Variants in MYOC observed in about 807,000 individuals in gnomAD.
MYOC encodes juvenile-onset open-angle glaucoma 1.
A neutral mutation model predicts 28.2 loss-of-function variants in MYOC; 29 were observed. That is an observed-to-expected ratio of 1.03 (90% CI 0.77 to 1.40). The LOEUF (loss-of-function observed/expected upper bound fraction) is 1.40, where lower values mean the gene tolerates loss of function less well. MYOC is among the 40% of genes most tolerant of loss of function. The probability of loss-of-function intolerance (pLI) is 0.00; values close to 1 mark genes in which losing one functional copy is unlikely to be tolerated. For missense variants in MYOC, 569 were observed against 620.6 expected (o/e 0.92, Z 0.88); for synonymous variants, 240 against 245.6 (o/e 0.98, Z 0.21).
intron 1 of MYOC, among the ~76,000 whole-genome samples, chr1:171,650,798 C>T (rs1238400724): frequency 6.6e-6 from 1 of 152,146 alleles, no homozygotes; most frequent in Non-Finnish European, 1.5e-5. Context: ...TATTTTGCCA[C>T]AGTTGTTTTA....
intron 1 of MYOC, among the ~76,000 whole-genome samples, chr1:171,647,307 C>T (rs571141186): frequency 4.6e-5 from 7 of 151,980 alleles, no homozygotes; most frequent in African/African-American, 7.2e-5. Context: ...GGGTGGATCA[C>T]GAGGTCGGGA....
chr1:171,647,038 G>A (rs949111978), intron 1 of MYOC, among the ~76,000 whole-genome samples: 1 of 152,168 alleles, frequency 6.6e-6, no homozygotes, highest in Non-Finnish European at 1.5e-5. Context: ...TTACATAAAT[G>A]AAAGGAATGA....
chr1:171,651,866 G>T, intron 1 of MYOC, 142 bp downstream of exon 1: 1 of 1,214,308 alleles, frequency 8.2e-7, no homozygotes, highest in East Asian at 2.3e-5. Context: ...TGATCGCTGT[G>T]CTTTCCTTAA....
At position 171,643,046 on chromosome 1, in the gene MYOC, T is replaced by A. The variant is rs572268334; in HGVS notation, c.605-4324A>T. On this transcript the variant is annotated intron_variant, in intron 1 of 2. Coordinates refer to ENST00000037502, the MANE Select transcript of MYOC (RefSeq NM_000261.2). Reference sequence around the variant, plus strand: ...ATGGCTCCTGGAGAGTCCTGGAAACTTTTATTTCATTCCCTGCGTCTCCTT... The same window carrying A: ...ATGGCTCCTGGAGAGTCCTGGAAACATTTATTTCATTCCCTGCGTCTCCTT... 2.0e-5 allele frequency among the ~76,000 whole-genome samples: 3 copies of A among 152,272 alleles called. No individual in the cohort carries two copies. The South Asian group carries it at 6.2e-4, about 32-fold the overall frequency.
rs772246395 is a variant in MYOC, at chr1:171,636,138, G to A, written c.1302C>T (p.Gly434=). 4.3e-6 allele frequency: 7 copies of A among 1,614,168 alleles called. No individual in the cohort carries two copies. The South Asian group carries it at 7.7e-5, about 18-fold the overall frequency. Residue 434 remains glycine, a synonymous_variant, in exon 3 of 3, where the codon GGC becomes GGT. Coordinates refer to ENST00000037502, the MANE Select transcript of MYOC (RefSeq NM_000261.2). ...TGTAGCTGCTGACGGTGTACAAGGT[G>A]CCACAGATGATGAAGGCATTGGCGA... ...QSVANAFIIC[G]TLYTVSSYTS... is the part of the protein sequence containing the mutation.
intron 1 of MYOC, among the ~76,000 whole-genome samples, chr1:171,642,415 C>T (rs957730586): frequency 2.6e-5 from 4 of 152,108 alleles, no homozygotes; most frequent in African/African-American, 9.6e-5. Context: ...GAGTTTGGGA[C>T]CAGGCTGGGC....
Position 171,636,239 on chromosome 1 carries a change from T to G in MYOC, c.1201A>C (p.Ile401Leu), listed in dbSNP as rs1187084570. 6.2e-7 allele frequency: 1 copy of G among 1,614,164 alleles called. No homozygotes were observed. The highest frequency in any genetic ancestry group is 1.7e-5 in the Admixed American group (1 of 60,020). ...TCTGGGTTCAGTTTGGAGAGGACAA[T>G]GGCACCTTTGGCCTCATCGGTGCTG... ...IYSTDEAKGAIVLSKLNPENL... is the reference protein window; with the variant it reads ...IYSTDEAKGALVLSKLNPENL... Residue 401 changes from isoleucine (I) to leucine (L), a missense_variant, in exon 3 of 3, where the codon ATT (isoleucine) becomes CTT (leucine). By Grantham distance (5) the Ile-to-Leu change is conservative. Coordinates refer to ENST00000037502, the MANE Select transcript of MYOC (RefSeq NM_000261.2).
chr1:171,639,052 C>A (rs1653002668), intron 1 of MYOC, among the ~76,000 whole-genome samples: 1 of 152,210 alleles, frequency 6.6e-6, no homozygotes, highest in Non-Finnish European at 1.5e-5. Flanking sequence ...GCCGAGACTA[C>A]ACTATTGTAC....
chr1:171,646,183 G>A (rs1180791068), intron 1 of MYOC, among the ~76,000 whole-genome samples: 1 of 152,196 alleles, frequency 6.6e-6, no homozygotes, highest in African/African-American at 2.4e-5. Flanking sequence ...AAAGGGGCCT[G>A]GACCTAAGCC....
chr1:171,636,139 C>G lies in MYOC; in HGVS notation c.1301G>C (p.Gly434Ala), dbSNP rs1367941231. The G allele has an allele frequency of 6.2e-7, 1 of 1,614,002 alleles. No individual in the cohort carries two copies. Among genetic ancestry groups the G allele is most frequent in the African/African-American group, 1.3e-5 (1 of 74,880 alleles). ...QSVANAFIIC[G>A]TLYTVSSYTS... ...GTAGCTGCTGACGGTGTACAAGGTG[C>G]CACAGATGATGAAGGCATTGGCGAC... Residue 434 changes from glycine (G) to alanine (A), a missense_variant, in exon 3 of 3, where the codon GGC becomes GCC. By Grantham distance (60) the Gly-to-Ala change is moderately conservative. Transcript: ENST00000037502.
chr1:171,639,502 G>A (rs1043685685), intron 1 of MYOC, among the ~76,000 whole-genome samples: 17 of 151,888 alleles, frequency 1.1e-4, no homozygotes, highest in Non-Finnish European at 7.4e-5. Context: ...AAAATTAGCT[G>A]GGCATGGTGG....
At chr1:171,639,121 G>C (rs1653013195) in intron 1 of MYOC, among the ~76,000 whole-genome samples, 2 of 151,986 alleles carry the variant, frequency 1.3e-5, no homozygotes, top group African/African-American at 2.4e-5. Flanking sequence ...AAATAAATAG[G>C]CTCCCAAAGA....
intron 1 of MYOC, among the ~76,000 whole-genome samples, chr1:171,643,741 G>T (rs1653134164): frequency 6.6e-6 from 1 of 152,116 alleles, no homozygotes; most frequent in Non-Finnish European, 1.5e-5. Flanking sequence ...GGGAGGCTGA[G>T]GTGGGTGGAT....
intron 1 of MYOC, among the ~76,000 whole-genome samples, chr1:171,641,257 G>GA (rs1333700753): frequency 4.6e-5 from 7 of 152,120 alleles, no homozygotes; most frequent in Non-Finnish European, 1.0e-4. Context: ...AGCCCAAGAG[G>GA]AAGGGGGCAC....
rs1366043025 is a variant in MYOC, at chr1:171,636,646, C to T, written c.794G>A (p.Gly265Asp). Residue 265 changes from glycine (G) to aspartate (D), a missense_variant, in exon 3 of 3, where the codon GGC (glycine) becomes GAC (aspartate). Gly to Asp is a moderately conservative substitution (Grantham distance 94). Coordinates refer to ENST00000037502, the MANE Select transcript of MYOC (RefSeq NM_000261.2). ...GTCTCGCATCCACACACCATACTTG[C>T]CAGTAATTGTTTCTGCTGTTCTCAG... ...LTLRTAETITGKYGVWMRDPK... is the reference protein window; with the variant it reads ...LTLRTAETITDKYGVWMRDPK... 6.2e-7 allele frequency: 1 copy of T among 1,610,802 alleles called. No homozygotes were observed. The highest frequency in any genetic ancestry group is 8.5e-7 in the Non-Finnish European group (1 of 1,180,022).
rs1036807734 is a variant in MYOC at position 171,652,019 on chromosome 1, C to A, written c.593G>T (p.Gly198Val). 1.2e-6 allele frequency: 2 copies of A among 1,614,232 alleles called. No homozygotes were observed. The highest frequency in any genetic ancestry group is 1.1e-5 in the South Asian group (1 of 91,088). The change falls in exon 1 of 3, where the codon GGC (glycine) becomes GTC (valine). Residue 198 changes from glycine (G) to valine (V), a missense_variant. Physicochemically the swap from Gly to Val is moderately radical, Grantham distance 109. Coordinates refer to ENST00000037502, the MANE Select transcript of MYOC (RefSeq NM_000261.2). ...TRDTARAVPP[G>V]SREVSTWNLD... Reference sequence around the variant, plus strand: ...CTCTGCATTCTTACCTTCTCTGGAGCCTGGTGGCACAGCCCGAGCAGTGTC... The same window carrying A: ...CTCTGCATTCTTACCTTCTCTGGAGACTGGTGGCACAGCCCGAGCAGTGTC...
In MYOC at chr1:171,652,561, A is replaced by G. The variant is rs780667151; in HGVS notation, c.51T>C (p.Ala17=). 1 of 1,614,240 alleles carries G rather than the reference A, an allele frequency of 6.2e-7. No individual in the cohort carries two copies. The highest frequency in any genetic ancestry group is 8.5e-7 in the Non-Finnish European group (1 of 1,180,040). ...RCCSFGPEMP[A]VQLLLLACLV... ...GGCAGGCCAGAAGCAGCAGCTGGAC[A>G]GCTGGCATCTCAGGCCCAAAGCTGC... The change falls in exon 1 of 3, where the codon GCT becomes GCC. Residue 17 remains alanine (A), a synonymous_variant. Coordinates refer to ENST00000037502, the MANE Select transcript of MYOC (RefSeq NM_000261.2).
rs1283092813 is a variant in MYOC, at chr1:171,652,495, C to T, written c.117G>A (p.Lys39=). The part of the protein sequence containing the change: ...DVGARTAQLR[K]ANDQSGRCQY... ...GGCATCGGCCACTCTGGTCATTGGC[C>T]TTCCTGAGCTGAGCTGTCCTGGCCC... The change falls in exon 1 of 3, where the codon AAG becomes AAA. Residue 39 remains lysine, a synonymous_variant. Coordinates refer to ENST00000037502, the MANE Select transcript of MYOC (RefSeq NM_000261.2). 4 of 1,614,102 alleles carry T rather than the reference C, an allele frequency of 2.5e-6. No individual in the cohort carries two copies. In the African/African-American group the frequency reaches 4.0e-5, roughly 16 times the overall value.
chr1:171,646,194 G>A (rs78578111), intron 1 of MYOC, among the ~76,000 whole-genome samples: 4,907 of 152,242 alleles, frequency 0.032, 89 homozygotes, highest in Middle Eastern at 0.044. Flanking sequence ...GACCTAAGCC[G>A]GAAGTCATAG....
Sources: allele counts gnomAD v4.1 joint callset (sites outside exome capture counted in the v4.1 genomes callset), GRCh38; gene constraint gnomAD v4.1.1; transcripts MANE v1.5; gene names NCBI Gene and HGNC (gene_info 2026-07-23, HGNC 2026-07-21).